Variants in DENND6A observed in about 807,000 individuals in gnomAD.
DENND6A encodes protein DENND6A.
DENND6A carries 43 observed loss-of-function variants against 95.5 expected under a neutral mutation model. The ratio of observed to expected loss-of-function variants is 0.45; its 90% CI spans 0.35 to 0.58. DENND6A has a LOEUF of 0.58. Ranked by LOEUF, DENND6A falls within the 20% of genes least tolerant of loss-of-function variation. DENND6A has a pLI of 0.00. For synonymous variants in DENND6A, 257 were observed against 260.4 expected (o/e 0.99, Z 0.13); for missense variants, 574 against 736.0 (o/e 0.78, Z 2.55).
In DENND6A at chr3:57,658,235, CA is replaced by C. The variant is rs371174320; in HGVS notation, c.763-501del. 3.2e-3 allele frequency among the ~76,000 whole-genome samples: 392 copies of C among 123,794 alleles called. 1 individual carries two copies. The highest frequency in any genetic ancestry group is 5.2e-3 in the African/African-American group (173 of 33,442). 81.2% of individuals were successfully genotyped at this position (123,794 alleles called of 152,430 possible). On this transcript the variant is annotated intron_variant, in intron 8 of 19. Coordinates refer to ENST00000311128, the MANE Select transcript of DENND6A (RefSeq NM_152678.3). ...TAGGTGACAGAGCGAGACTCCATCT[CA>C]AAAAAAAAAAAAGAATTAATCCCAA...
At chr3:57,637,931 C>G (rs774740546) in intron 12 of DENND6A, among the ~76,000 whole-genome samples, 1 of 151,848 alleles carries the variant, frequency 6.6e-6, no homozygotes, top group African/African-American at 2.4e-5. Flanking sequence ...GTCAGGAATT[C>G]GAGACCAGCC....
At chr3:57,649,962 A>G (rs1454646420) in intron 9 of DENND6A, among the ~76,000 whole-genome samples, 1 of 151,692 alleles carries the variant, frequency 6.6e-6, no homozygotes, top group African/African-American at 2.4e-5. Flanking sequence ...CTACTCAGCC[A>G]TAAAAAGGAA....
chr3:57,645,650 T>C lies in DENND6A; in HGVS notation c.1037+11A>G, dbSNP rs775220206. The C allele has an allele frequency of 6.3e-6, 10 of 1,596,288 alleles. No individual in the cohort carries two copies. In the South Asian group the frequency reaches 9.0e-5, roughly 14 times the overall value. ...GGTAATACCTGGTCAATAGAAGTTA[T>C]TTTTACTTACGGAGCTTGGGTACGG... On this transcript the variant is annotated intron_variant, in intron 11 of 19. Coordinates refer to ENST00000311128, the MANE Select transcript of DENND6A (RefSeq NM_152678.3).
intron 9 of DENND6A, among the ~76,000 whole-genome samples, chr3:57,648,958 G>C (rs1279408435): frequency 6.6e-6 from 1 of 152,074 alleles, no homozygotes; most frequent in East Asian, 1.9e-4. Context: ...ATAAACCTAG[G>C]CAAAGACTTC....
At chr3:57,637,653 C>G (rs2070824586) in intron 12 of DENND6A, among the ~76,000 whole-genome samples, 1 of 149,146 alleles carries the variant, frequency 6.7e-6, no homozygotes, top group Non-Finnish European at 1.5e-5. Context: ...TTTAACTCAA[C>G]AAGCAGAAAA....
chr3:57,631,270 C>T (rs1319185008), intron 15 of DENND6A: 1 of 264,688 alleles, frequency 3.8e-6, no homozygotes, highest in Admixed American at 5.2e-5. Flanking sequence ...GATCTCGGCT[C>T]ACTACAACCT....
At chr3:57,652,462 C>T (rs750410488) in intron 9 of DENND6A, among the ~76,000 whole-genome samples, 22 of 152,156 alleles carry the variant, frequency 1.4e-4, no homozygotes, top group Non-Finnish European at 3.1e-4. Flanking sequence ...TGACTGCAAC[C>T]ACATAAAAAA....
In DENND6A at chr3:57,645,738, C is replaced by T; in HGVS notation, c.960G>A (p.Lys320=). 6.2e-7 allele frequency: 1 copy of T among 1,612,860 alleles called. No homozygotes were observed. Among genetic ancestry groups the T allele is most frequent in the Admixed American group, 1.7e-5 (1 of 59,954 alleles). ...LALVNCISPL[K]YFSDFRPYFT... is the part of the protein sequence containing the mutation. ...AATAAGGTCGGAAATCACTGAAGTA[C>T]TTTAATGGAGAAATACAGCTGTGGA... Residue 320 remains lysine, a synonymous_variant, in exon 11 of 20, where the codon AAG becomes AAA. Coordinates refer to ENST00000311128, the MANE Select transcript of DENND6A (RefSeq NM_152678.3).
chr3:57,669,528 A>C (rs1238383713), intron 3 of DENND6A, among the ~76,000 whole-genome samples: 3 of 151,296 alleles, frequency 2.0e-5, no homozygotes, highest in Non-Finnish European at 4.4e-5. Flanking sequence ...ATCCTGGCTA[A>C]CACAGTGAAA....
intron 11 of DENND6A, among the ~76,000 whole-genome samples, chr3:57,644,315 T>A (rs537038453): frequency 2.3e-4 from 35 of 151,836 alleles, no homozygotes; most frequent in South Asian, 6.2e-4. Flanking sequence ...TACAAAAAAA[T>A]TTTTTTTGAG....
At chr3:57,677,476 C>A (rs562253421) in intron 1 of DENND6A, among the ~76,000 whole-genome samples, 1 of 126,764 alleles carries the variant, frequency 7.9e-6, no homozygotes, top group African/African-American at 2.9e-5. Flanking sequence ...CATTCTGTCA[C>A]CAAGGCTAGA....
At chr3:57,641,840 A>AAT (rs1014118025) in intron 11 of DENND6A, 93 bp from the exon 12 acceptor site, 2 of 1,013,578 alleles carry the variant, frequency 2.0e-6, no homozygotes, top group Non-Finnish European at 2.9e-6. Flanking sequence ...TTCAATGAAC[A>AAT]ATACACAGAT....
chr3:57,636,670 C>G (rs528381118), intron 12 of DENND6A, among the ~76,000 whole-genome samples: 6 of 152,290 alleles, frequency 3.9e-5, no homozygotes, highest in Admixed American at 3.3e-4. Flanking sequence ...GGCGTGGTGG[C>G]TCACGCCTGT....
chr3:57,646,194 G>T, intron 10 of DENND6A, 122 bp downstream of exon 10: 1 of 1,365,728 alleles, frequency 7.3e-7, no homozygotes, highest in Non-Finnish European at 9.9e-7. Context: ...TTTTTGCATG[G>T]ATCAATGCAA....
chr3:57,643,502 G>T (rs2070996194), intron 11 of DENND6A, among the ~76,000 whole-genome samples: 1 of 152,026 alleles, frequency 6.6e-6, no homozygotes, highest in Non-Finnish European at 1.5e-5. Flanking sequence ...ATTAACATGG[G>T]GTATTAACAG....
intron 5 of DENND6A, among the ~76,000 whole-genome samples, chr3:57,662,311 C>T (rs1247666657): frequency 6.6e-6 from 1 of 151,042 alleles, no homozygotes; most frequent in African/African-American, 2.4e-5. Context: ...CGACCTCAGC[C>T]TCCTGAGTAG....
intron 1 of DENND6A, among the ~76,000 whole-genome samples, chr3:57,685,642 G>T (rs1441047331): frequency 6.6e-6 from 1 of 152,062 alleles, no homozygotes; most frequent in East Asian, 1.9e-4. Flanking sequence ...ACCTTACTAA[G>T]ATGGCATTGT....
Position 57,630,754 on chromosome 3 carries a change from A to G in DENND6A, c.1478T>C (p.Leu493Pro). 1.2e-6 allele frequency: 2 copies of G among 1,614,112 alleles called. No homozygotes were observed. Among genetic ancestry groups the G allele is most frequent in the Non-Finnish European group, 1.7e-6 (2 of 1,180,000 alleles). The change falls in exon 17 of 20, where the codon CTA becomes CCA. Residue 493 changes from leucine to proline, a missense_variant. By Grantham distance (98) the Leu-to-Pro change is moderately conservative. Transcript: ENST00000311128. ...MKTLEKTGPQLTSRIKGDWIG... is the reference protein window; with the variant it reads ...MKTLEKTGPQPTSRIKGDWIG... ...CCAATCGCCTTTTATTCTAGAGGTT[A>G]GCTGAGGTCCTGTTTTCTCAAGTGT...
chr3:57,667,162 G>A (rs2071536794), intron 3 of DENND6A, among the ~76,000 whole-genome samples: 1 of 152,140 alleles, frequency 6.6e-6, no homozygotes, highest in African/African-American at 2.4e-5. Context: ...CTGAGTAGCT[G>A]GGATTACAGG....
Sources: gnomAD v4.1 joint callset for allele counts (sites outside exome capture counted in the v4.1 genomes callset) on GRCh38, gnomAD v4.1.1 for gene constraint, MANE v1.5 for transcripts, NCBI Gene and HGNC (gene_info 2026-07-23, HGNC 2026-07-21) for gene names.